The following ZPLD1 variants were observed in gnomAD, a reference collection of about 807,000 sequenced individuals.
ZPLD1 encodes zona pellucida like domain containing 1.
A neutral mutation model predicts 47.2 loss-of-function variants in ZPLD1; 34 were observed. That is an observed-to-expected ratio of 0.72 (90% CI 0.55 to 0.96). ZPLD1 has a LOEUF of 0.96. Among genes scored for constraint, ZPLD1 ranks in the 40% least tolerant of loss-of-function variants. ZPLD1 has a pLI of 0.00. For synonymous variants in ZPLD1, 176 were observed against 186.2 expected (o/e 0.95, Z 0.45); for missense variants, 512 against 505.8 (o/e 1.01, Z -0.12).
At chr3:102,429,511 TC>T (rs1239211572) in intron 8 of ZPLD1, among the ~76,000 whole-genome samples, 1 of 152,202 alleles carries the variant, frequency 6.6e-6, no homozygotes, top group Non-Finnish European at 1.5e-5. Context: ...TTGTATTATC[TC>T]CTTGGACTCT....
rs74336477 is a variant in ZPLD1 at position 102,467,138 on chromosome 3, C to T, written c.762-1826C>T. Among the ~76,000 whole-genome samples, 13 of 152,028 alleles carry T rather than the reference C, an allele frequency of 8.6e-5. No homozygotes were observed. The East Asian group carries it at 9.6e-4, about 11-fold the overall frequency. On this transcript the variant is annotated intron_variant, in intron 8 of 11. Transcript: ENST00000466937. ...GGATACAGAAAATCTAAACGACATA[C>T]GCAATAAGCTATATACAGAGAGACA...
intron 8 of ZPLD1, among the ~76,000 whole-genome samples, chr3:102,428,082 A>G (rs956624594): frequency 6.6e-6 from 1 of 152,186 alleles, no homozygotes; most frequent in African/African-American, 2.4e-5. Context: ...AAACTCAACT[A>G]TATAGTCTCA....
chr3:102,477,803 T>G lies in ZPLD1; in HGVS notation c.*185T>G, dbSNP rs1707781528. The G allele has an allele frequency of 6.1e-6, 3 of 487,934 alleles. No individual in the cohort carries two copies. The highest frequency in any genetic ancestry group is 1.0e-5 in the Non-Finnish European group (3 of 298,218). 30.2% of individuals were successfully genotyped at this position (487,934 alleles called of 1,614,324 possible). A position where few individuals can be genotyped will look rare whatever the true frequency, so the allele number is the denominator to read the frequency against. On this transcript the variant is annotated 3_prime_UTR_variant, in exon 12 of 12. Transcript: ENST00000466937. ...TTTATTATATTGCTATTGTCACTTATGTACGTGGCGAGCCGTATTTTTATG... is the reference window on the plus strand; with the variant it reads ...TTTATTATATTGCTATTGTCACTTAGGTACGTGGCGAGCCGTATTTTTATG...
chr3:102,453,885 A>G (rs1707375282), intron 4 of ZPLD1, among the ~76,000 whole-genome samples: 1 of 152,254 alleles, frequency 6.6e-6, no homozygotes, highest in African/African-American at 2.4e-5. Flanking sequence ...ATTAAAATTA[A>G]TAGAAGTGAA....
intron 8 of ZPLD1, among the ~76,000 whole-genome samples, chr3:102,466,531 CA>C (rs1707596289): frequency 6.6e-6 from 1 of 151,686 alleles, no homozygotes; most frequent in African/African-American, 2.4e-5. Flanking sequence ...TTTTAAAAAG[CA>C]AAAAGCATCA....
intron 3 of ZPLD1, among the ~76,000 whole-genome samples, chr3:102,439,794 C>T (rs909583478): frequency 4.6e-5 from 7 of 152,142 alleles, no homozygotes; most frequent in African/African-American, 1.4e-4. Context: ...TTATCCTTTA[C>T]GTATACGTCT....
At chr3:102,472,400 C>T (rs996691801) in intron 10 of ZPLD1, among the ~76,000 whole-genome samples, 1 of 152,032 alleles carries the variant, frequency 6.6e-6, no homozygotes, top group Non-Finnish European at 1.5e-5. Flanking sequence ...GGTGTGGTGG[C>T]ATATGCCTGT....
rs531332425 is a variant in ZPLD1 at position 102,429,022 on chromosome 3, C to T, written c.-8-9458C>T. Among the ~76,000 whole-genome samples, 4 of 152,148 alleles carry T rather than the reference C, an allele frequency of 2.6e-5. No homozygotes were observed. In the East Asian group the frequency reaches 7.7e-4, roughly 29 times the overall value. ...ACTTATCCACTTGAAACACATTTGT[C>T]TTCTAAACTAACTGAAATTACTTAT... On this transcript the variant is annotated intron_variant, in intron 8 of 17. Transcript: ENST00000491959.
intron 6 of ZPLD1, among the ~76,000 whole-genome samples, chr3:102,460,173 A>G (rs1707484415): frequency 6.6e-6 from 1 of 152,070 alleles, no homozygotes; most frequent in Non-Finnish European, 1.5e-5. Context: ...CAAATAAAAT[A>G]TTATAATCTT....
At chr3:102,469,945 A>T (rs1216171058) in intron 9 of ZPLD1, among the ~76,000 whole-genome samples, 1 of 152,156 alleles carries the variant, frequency 6.6e-6, no homozygotes, top group African/African-American at 2.4e-5. Context: ...GTTTATATTT[A>T]TGTTCAATTT....
chr3:102,435,321 C>G (rs1033140907), intron 1 of ZPLD1, among the ~76,000 whole-genome samples, 167 bp downstream of exon 1: 1 of 152,156 alleles, frequency 6.6e-6, no homozygotes, highest in Non-Finnish European at 1.5e-5. Context: ...TTTTAAAATT[C>G]CTTGCCTAAT....
chr3:102,428,761 A>G (rs1345959786), intron 8 of ZPLD1, among the ~76,000 whole-genome samples: 1 of 151,122 alleles, frequency 6.6e-6, no homozygotes, highest in Non-Finnish European at 1.5e-5. Flanking sequence ...ATATATATAT[A>G]TATGTATATA....
At chr3:102,468,477 T>G (rs1576166369) in intron 8 of ZPLD1, among the ~76,000 whole-genome samples, 1 of 152,176 alleles carries the variant, frequency 6.6e-6, no homozygotes, top group African/African-American at 2.4e-5. Flanking sequence ...GCTCTCTAAA[T>G]ATTGATACGG....
intron 2 of ZPLD1, among the ~76,000 whole-genome samples, chr3:102,437,987 T>C (rs967135772): frequency 2.0e-5 from 3 of 152,210 alleles, no homozygotes; most frequent in African/African-American, 7.2e-5. Flanking sequence ...GGGAGACTTT[T>C]TTCTGTTTTC....
intron 6 of ZPLD1, among the ~76,000 whole-genome samples, chr3:102,386,183 G>C (rs1303372421): frequency 6.6e-6 from 1 of 151,996 alleles, no homozygotes; most frequent in African/African-American, 2.4e-5. Context: ...CTTCATTTAG[G>C]ACAGTAGTTT....
At chr3:102,401,809 G>A (rs1359231953) in intron 7 of ZPLD1, among the ~76,000 whole-genome samples, 2 of 152,018 alleles carry the variant, frequency 1.3e-5, no homozygotes, top group African/African-American at 4.8e-5. Context: ...AAATTCTTAA[G>A]CTGTTGCTAC....
intron 3 of ZPLD1, among the ~76,000 whole-genome samples, chr3:102,440,456 T>A (rs867520541): frequency 6.6e-6 from 1 of 152,104 alleles, no homozygotes; most frequent in African/African-American, 2.4e-5. Flanking sequence ...TGGATGTTGA[T>A]GCTGTTAACT....
At chr3:102,405,834 T>G (rs1010745245) in intron 7 of ZPLD1, among the ~76,000 whole-genome samples, 1 of 152,008 alleles carries the variant, frequency 6.6e-6, no homozygotes, top group Non-Finnish European at 1.5e-5. Context: ...TTCTTGCCCT[T>G]GGGCTAACCA....
chr3:102,467,100 A>G (rs1280471684), intron 8 of ZPLD1, among the ~76,000 whole-genome samples: 1 of 152,152 alleles, frequency 6.6e-6, no homozygotes. Context: ...CCAACAAGTA[A>G]GTAAGGAAGT....
Sources: gnomAD v4.1 joint callset for allele counts (sites outside exome capture counted in the v4.1 genomes callset) on GRCh38, gnomAD v4.1.1 for gene constraint, MANE v1.5 for transcripts, NCBI Gene and HGNC (gene_info 2026-07-23, HGNC 2026-07-21) for gene names.